The following TAMALIN variants were observed in gnomAD, a reference collection of about 807,000 sequenced individuals.
The protein encoded by TAMALIN is protein TAMALIN.
In TAMALIN, 9 loss-of-function variants were observed where a neutral mutation model predicts 38.5. That is an observed-to-expected ratio of 0.23 (90% CI 0.14 to 0.41). The LOEUF is 0.41. TAMALIN is among the 10% of genes least tolerant of loss of function. The pLI, the probability that TAMALIN is intolerant of heterozygous loss-of-function variation, is 1.00. For synonymous variants in TAMALIN, 306 were observed against 256.5 expected, an observed-to-expected ratio of 1.19 and a Z score of -1.85; for missense variants, 548 against 554.1, an observed-to-expected ratio of 0.99 and a Z score of 0.11.
At chr12:52,012,763 G>T (rs1363427852) in intron 4 of TAMALIN, among the ~76,000 whole-genome samples, 1 of 152,212 alleles carries the variant, frequency 6.6e-6, no homozygotes, top group Admixed American at 6.5e-5. Context: ...TTACAGATAG[G>T]AATGGGGCCC....
intron 1 of TAMALIN, chr12:52,008,631 A>G: frequency 1.0e-6 from 1 of 985,420 alleles, no homozygotes; most frequent in South Asian, 4.7e-5. Context: ...CTCTGACCCC[A>G]CATTCTGGCT....
Position 52,007,780 on chromosome 12 carries a change from C to G in TAMALIN, c.246+515C>G. ...CCGAGGGGACTCCCCGATTCCTGGG[C>G]TGGGGGCCTGCCGCCTGGCCCCACG... On this transcript the variant is annotated intron_variant, in intron 1 of 7. Coordinates refer to ENST00000293662, the MANE Select transcript of TAMALIN (RefSeq NM_181711.4). This position sits in a 1 kb window ranked among gnomAD's most constrained non-coding sequence, Gnocchi z 6.7. The G allele has an allele frequency of 1.0e-6, 1 of 985,460 alleles. No individual in the cohort carries two copies. The highest frequency in any genetic ancestry group is 1.2e-6 in the Non-Finnish European group (1 of 829,936). 61.0% of individuals were successfully genotyped at this position (985,460 alleles called of 1,614,324 possible). A position where few individuals can be genotyped will look rare whatever the true frequency, so the allele number is the denominator to read the frequency against.
rs538522896 is a variant in TAMALIN at position 52,013,116 on chromosome 12, C to T, written c.455-571C>T. Among the ~76,000 whole-genome samples, 22 of 138,664 alleles carry T rather than the reference C, an allele frequency of 1.6e-4. No individual in the cohort carries two copies. The South Asian group carries it at 1.8e-3, about 11-fold the overall frequency. The allele number at this position is 138,664 out of a possible 152,430, so 91.0% of individuals were successfully genotyped here. On this transcript the variant is annotated intron_variant, in intron 4 of 7. Coordinates refer to ENST00000293662, the MANE Select transcript of TAMALIN (RefSeq NM_181711.4). The stretch of plus-strand genomic sequence containing the variant: ...TTTTTGAGACGGAGTCTCGCTCTGT[C>T]GCCCAGGCTGGAGTGCAGTGGCGCG...
rs1392623315 is a variant in TAMALIN, at chr12:52,015,106, G to C, written c.1095G>C (p.Leu365=). 6.3e-7 allele frequency: 1 copy of C among 1,575,764 alleles called. No homozygotes were observed. Among genetic ancestry groups the C allele is most frequent in the African/African-American group, 1.3e-5 (1 of 74,388 alleles). Residue 365 remains leucine, a synonymous_variant, in exon 8 of 8, where the codon CTG becomes CTC. Transcript: ENST00000293662. ...AREQALCGPG[L]RKTKYRSFRR... is the part of the protein sequence containing the mutation. ...AGCAGGCCCTATGCGGCCCCGGCCT[G>C]CGCAAAACCAAGTACCGCAGCTTCC...
At chr12:52,013,479 C>T in intron 4 of TAMALIN, 1 of 576,790 alleles carries the variant, frequency 1.7e-6, no homozygotes, top group East Asian at 2.9e-5. Flanking sequence ...ACTACAGGCC[C>T]ACAAGAATGG....
chr12:52,014,229 C>A, intron 7 of TAMALIN, 28 bp downstream of exon 7: 1 of 1,561,486 alleles, frequency 6.4e-7, no homozygotes, highest in African/African-American at 1.4e-5. Flanking sequence ...TGTGAGGGGC[C>A]ACTTGTTCTG....
chr12:52,008,690 G>A, intron 1 of TAMALIN: 2 of 985,366 alleles, frequency 2.0e-6, no homozygotes, highest in Non-Finnish European at 2.4e-6. Context: ...GCCCTCCCAA[G>A]CCACTGTCTG....
chr12:52,015,064 C>T lies in TAMALIN; in HGVS notation c.1053C>T (p.Leu351=). 1.4e-6 allele frequency: 2 copies of T among 1,467,452 alleles called. No individual in the cohort carries two copies. Among genetic ancestry groups the T allele is most frequent in the Non-Finnish European group, 1.8e-6 (2 of 1,119,220 alleles). The allele number at this position is 1,467,452 out of a possible 1,614,324, so 90.9% of individuals were successfully genotyped here. Residue 351 remains leucine (L), a synonymous_variant, in exon 8 of 8, where the codon CTC becomes CTT. Coordinates refer to ENST00000293662, the MANE Select transcript of TAMALIN (RefSeq NM_181711.4). ...GAGGCGGGGGCGCGCCGGGCGCGCT[C>T]TGGACTGAGGCTCGCGAGCAGGCCC... The part of the protein sequence containing the change: ...GGGGGGAPGA[L]WTEAREQALC...
intron 4 of TAMALIN, among the ~76,000 whole-genome samples, chr12:52,013,167 TC>T (rs2120849516): frequency 7.2e-6 from 1 of 139,684 alleles, no homozygotes; most frequent in South Asian, 2.3e-4. Flanking sequence ...AAGCTCCGCC[TC>T]CCGGGTTCAC....
intron 7 of TAMALIN, 157 bp downstream of exon 7, chr12:52,014,358 G>A: frequency 1.5e-6 from 1 of 680,062 alleles, no homozygotes; most frequent in African/African-American, 1.8e-5. Context: ...TTTGGGTACT[G>A]CCGCAGCCAC....
intron 4 of TAMALIN, chr12:52,013,412 G>T: frequency 4.6e-6 from 2 of 430,616 alleles, no homozygotes; most frequent in South Asian, 2.7e-5. Context: ...GAGGGTGTTG[G>T]GTGTGTGAGG....
intron 1 of TAMALIN, chr12:52,008,146 TCCTC>T: frequency 1.0e-6 from 1 of 985,408 alleles, no homozygotes; most frequent in Non-Finnish European, 1.2e-6. Flanking sequence ...GCCCAGTCCT[TCCTC>T]CCTGGCCGTT....
intron 4 of TAMALIN, 175 bp from the exon 5 acceptor site, chr12:52,013,512 C>G: frequency 1.6e-6 from 1 of 608,318 alleles, no homozygotes; most frequent in East Asian, 2.8e-5. Context: ...GTGTTTGGAT[C>G]GAGTATGAGA....
chr12:52,014,290 A>T (rs1937732180), intron 7 of TAMALIN, 89 bp downstream of exon 7: 2 of 1,132,746 alleles, frequency 1.8e-6, no homozygotes, highest in African/African-American at 3.1e-5. Context: ...GGTTCTAGTA[A>T]AGAACGGTTT....
At position 52,014,985 on chromosome 12, in the gene TAMALIN, G is replaced by C; in HGVS notation, c.974G>C (p.Arg325Pro). 1.4e-5 allele frequency: 14 copies of C among 978,310 alleles called. No homozygotes were observed. The highest frequency in any genetic ancestry group is 1.7e-5 in the Non-Finnish European group (14 of 823,240). 60.6% of individuals were successfully genotyped at this position (978,310 alleles called of 1,614,324 possible). Reference protein sequence around the residue: ...TPAVGPGPGPRAALSRSASVR... With the variant: ...TPAVGPGPGPPAALSRSASVR... Reference sequence around the variant, plus strand: ...GCCGTGGGGCCGGGCCCTGGGCCGCGGGCCGCGCTGAGCCGCAGCGCCAGT... The same window carrying C: ...GCCGTGGGGCCGGGCCCTGGGCCGCCGGCCGCGCTGAGCCGCAGCGCCAGT... The change falls in exon 8 of 8, where the codon CGG (arginine) becomes CCG (proline). Residue 325 changes from arginine (R) to proline (P), a missense_variant. Arg to Pro is a moderately radical substitution (Grantham distance 103). Transcript: ENST00000293662.
rs1431605300 is a variant in TAMALIN at position 52,014,914 on chromosome 12, G to A, written c.903G>A (p.Pro301=). 9.1e-7 allele frequency: 1 copy of A among 1,094,164 alleles called. No homozygotes were observed. The highest frequency in any genetic ancestry group is 1.1e-6 in the Non-Finnish European group (1 of 897,256). 67.8% of individuals were successfully genotyped at this position (1,094,164 alleles called of 1,614,324 possible). The change falls in exon 8 of 8, where the codon CCG becomes CCA. Residue 301 remains proline, a synonymous_variant. Coordinates refer to ENST00000293662, the MANE Select transcript of TAMALIN (RefSeq NM_181711.4). ...CCGAGCCGCCGGCGCTGCCGCCCCC[G>A]CCGCCCCCGGCCCGCGCCTTCGGCC... The part of the protein sequence containing the change: ...GDSEPPALPP[P]PPPARAFGPG...
intron 4 of TAMALIN, among the ~76,000 whole-genome samples, chr12:52,013,174 T>G (rs1592273358): frequency 1.4e-5 from 2 of 144,370 alleles, no homozygotes; most frequent in Non-Finnish European, 3.0e-5. Context: ...GCCTCCCGGG[T>G]TCACGCCATT....
In TAMALIN at chr12:52,008,411, C is replaced by T. The variant is rs868845035; in HGVS notation, c.247-779C>T. On this transcript the variant is annotated intron_variant, in intron 1 of 7. Transcript: ENST00000293662. ...CTTCATCTCTCATCCTTCCTCCACA[C>T]CCCCCACCACCACCCCTAAAGAACT... The T allele has an allele frequency of 7.3e-6, 7 of 957,532 alleles. No homozygotes were observed. In the South Asian group the frequency reaches 2.9e-4, roughly 40 times the overall value. 59.3% of individuals were successfully genotyped at this position (957,532 alleles called of 1,614,324 possible).
Position 52,009,221 on chromosome 12 carries a change from A to G in TAMALIN, c.278A>G (p.Gln93Arg), listed in dbSNP as rs1174653662. ...GGATTCCGCTGGAAGAATCTCAGCC[A>G]GAGTCCTGAACAGCAGCGGTGAGTC... ...GSGFRWKNLSQSPEQQRKVLT... is the reference protein window; with the variant it reads ...GSGFRWKNLSRSPEQQRKVLT... Residue 93 changes from glutamine to arginine, a missense_variant, in exon 2 of 8, where the codon CAG becomes CGG. Transcript: ENST00000293662. 3 of 1,613,942 alleles carry G rather than the reference A, an allele frequency of 1.9e-6. No individual in the cohort carries two copies. In the African/African-American group the frequency reaches 4.0e-5, roughly 22 times the overall value.
Sources: gnomAD v4.1 joint callset for allele counts (sites outside exome capture counted in the v4.1 genomes callset) on GRCh38, gnomAD v4.1.1 for gene constraint, Gnocchi (gnomAD v3.1) non-coding constraint, MANE v1.5 for transcripts, NCBI Gene and HGNC (gene_info 2026-07-23, HGNC 2026-07-21) for gene names.